CHTF18: variants seen among roughly 807,000 people sequenced by gnomAD.
CHTF18 encodes the protein chromosome transmission fidelity protein 18 homolog.
In CHTF18, 151 loss-of-function variants were observed where a neutral mutation model predicts 113.4. The observed-to-expected ratio is 1.33, with a 90% CI of 1.17 to 1.52. CHTF18 has a LOEUF of 1.52. CHTF18 is among the 40% of genes most tolerant of loss of function. The pLI is 0.00. For synonymous variants in CHTF18, 916 were observed against 598.8 expected, an observed-to-expected ratio of 1.53 and a Z score of -7.74; for missense variants, 1,982 against 1,381.6, an observed-to-expected ratio of 1.43 and a Z score of -6.89.
chr16:793,560 G>C (rs1365123355), intron 14 of CHTF18: 1 of 570,030 alleles, frequency 1.8e-6, no homozygotes, highest in Non-Finnish European at 3.2e-6. Context: ...CCTTGACTCA[G>C]CTGCTGTCCC....
chr16:792,212 TC>T lies in CHTF18; in HGVS notation c.1203-8del. Reference sequence around the variant, plus strand: ...CCCACTGCCCTGACGACCCCTGACCTCCCCATTGCAGTGACGACCGTAGCCC... The same window carrying T: ...CCCACTGCCCTGACGACCCCTGACCTCCCATTGCAGTGACGACCGTAGCCC... On this transcript the variant is annotated splice_polypyrimidine_tract_variant and intron_variant, in intron 9 of 21. Coordinates refer to ENST00000262315, the MANE Select transcript of CHTF18 (RefSeq NM_022092.3). 1 of 1,568,210 alleles carries T rather than the reference TC, an allele frequency of 6.4e-7. No individual in the cohort carries two copies. The highest frequency in any genetic ancestry group is 8.6e-7 in the Non-Finnish European group (1 of 1,157,038).
intron 5 of CHTF18, 34 bp downstream of exon 5, chr16:790,303 G>C: frequency 6.2e-7 from 1 of 1,609,730 alleles, no homozygotes; most frequent in Non-Finnish European, 8.5e-7. Context: ...GGGCGGTGGC[G>C]GGGCCGCCTG....
In CHTF18 at chr16:789,060, G is replaced by C; in HGVS notation, c.221G>C (p.Ser74Thr). The part of the protein sequence containing the change: ...SPAPAASVGS[S>T]QGGARKRQVD... ...GCCCCAGCCGCATCTGTGGGCAGCA[G>C]CCAGGGCGGCGCCAGGAAGAGGCAG... Residue 74 changes from serine (S) to threonine (T), a missense_variant, in exon 2 of 22, where the codon AGC becomes ACC. By Grantham distance (58) the Ser-to-Thr change is moderately conservative. Transcript: ENST00000262315. 6.5e-7 allele frequency: 1 copy of C among 1,537,672 alleles called. No homozygotes were observed. The highest frequency in any genetic ancestry group is 8.8e-7 in the Non-Finnish European group (1 of 1,140,968).
rs752744392 is a variant in CHTF18, at chr16:790,221, C to T, written c.651C>T (p.Asp217=). The change falls in exon 5 of 22, where the codon GAC becomes GAT. Residue 217 remains aspartate, a synonymous_variant. Coordinates refer to ENST00000262315, the MANE Select transcript of CHTF18 (RefSeq NM_022092.3). ...CATGGCGAGGCGGTGGCCAGCTGGA[C>T]CTGCTGGGTGTGTCCTTAGCCTCCC... ...HVPWRGGGQL[D]LLGVSLASLK... is the part of the protein sequence containing the mutation. 10 of 1,606,248 alleles carry T rather than the reference C, an allele frequency of 6.2e-6. No homozygotes were observed. The highest frequency in any genetic ancestry group is 4.5e-5 in the East Asian group (2 of 44,590).
In CHTF18 at chr16:792,577, A is replaced by G. The variant is rs547838710; in HGVS notation, c.1465A>G (p.Ile489Val). The G allele has an allele frequency of 1.8e-5, 29 of 1,595,438 alleles. No homozygotes were observed. The African/African-American group carries it at 2.3e-4, about 13-fold the overall frequency. Residue 489 changes from isoleucine (I) to valine (V), a missense_variant, in exon 11 of 22, where the codon ATT becomes GTT. Transcript: ENST00000262315. ...GCTCCTCATGAGGCCCATTATCTGC[A>G]TTTGCAATGACCAGTGAGTGCATGG... ...GGLLMRPIICICNDQFAPSLR... is the reference protein window; with the variant it reads ...GGLLMRPIICVCNDQFAPSLR...
rs72759411 is a variant in CHTF18 at position 792,104 on chromosome 16, G to A, written c.1203-120G>A. On this transcript the variant is annotated intron_variant, in intron 9 of 21. Transcript: ENST00000262315. ...AAACGTGTCCTTCCTCGGGGTTCAC[G>A]GGATCGGCAGCAGCCGCGTCATGTG... 8.6e-4 allele frequency: 1,311 copies of A among 1,528,282 alleles called. 1 individual carries two copies. The highest frequency in any genetic ancestry group is 1.0e-3 in the Non-Finnish European group (1,191 of 1,136,082). The allele number at this position is 1,528,282 out of a possible 1,614,324, so 94.7% of individuals were successfully genotyped here.
In CHTF18 at chr16:791,331, G is replaced by T; in HGVS notation, c.1065G>T (p.Leu355=). 1 of 1,608,986 alleles carries T rather than the reference G, an allele frequency of 6.2e-7. No individual in the cohort carries two copies. The highest frequency in any genetic ancestry group is 8.5e-7 in the Non-Finnish European group (1 of 1,179,348). ...KSHEQVLEEM[L]EAGLDPSQRP... ...ACGAACAGGTGCTGGAGGAGATGCT[G>T]GAGGCTGGGCTGGACCCGAGCCAGC... Residue 355 remains leucine (L), a synonymous_variant, in exon 8 of 22, where the codon CTG becomes CTT. Transcript: ENST00000262315.
chr16:789,493 C>T (rs949881844), intron 3 of CHTF18, 54 bp from the exon 4 acceptor site: 16 of 1,553,470 alleles, frequency 1.0e-5, no homozygotes, highest in African/African-American at 2.7e-5. Flanking sequence ...ACACCCATAT[C>T]CAAGGGTGAC....
rs374938681 is a variant in CHTF18, at chr16:789,539, C to T, written c.438-8C>T. On this transcript the variant is annotated splice_polypyrimidine_tract_variant and splice_region_variant and intron_variant, in intron 3 of 21. Transcript: ENST00000262315. ...AGTTTCTGCCACTGAGCCCCGGTCT[C>T]TCTCCAGAGTCTCAGAAGCTGCTGC... 3.8e-6 allele frequency: 6 copies of T among 1,591,730 alleles called. No individual in the cohort carries two copies. The highest frequency in any genetic ancestry group is 5.1e-6 in the Non-Finnish European group (6 of 1,168,778).
chr16:796,055 C>CAGT lies in CHTF18; in HGVS notation c.2436_2438dup (p.Gln812_Tyr813insTer). On this transcript the variant is annotated stop_gained and inframe_insertion, in exon 18 of 22. Coordinates refer to ENST00000262315, the MANE Select transcript of CHTF18 (RefSeq NM_022092.3). LOFTEE classifies it high-confidence loss of function. ...CCGCCAGGAGCGCACGCCCGATGGC[C>CAGT]AGTACATCTACAGGCTGGAGCCGTG... 6.2e-7 allele frequency: 1 copy of CAGT among 1,604,824 alleles called. No homozygotes were observed. The highest frequency in any genetic ancestry group is 8.5e-7 in the Non-Finnish European group (1 of 1,176,576).
At chr16:792,839 C>T (rs1435518847) in intron 12 of CHTF18, 28 bp downstream of exon 12, 2 of 1,536,968 alleles carry the variant, frequency 1.3e-6, no homozygotes, top group African/African-American at 1.4e-5. Flanking sequence ...AGCCGTGTGG[C>T]TGATGGCGGG....
chr16:797,243 G>A (rs902921198), intron 20 of CHTF18, among the ~76,000 whole-genome samples, 151 bp downstream of exon 20: 1 of 151,410 alleles, frequency 6.6e-6, no homozygotes, highest in Non-Finnish European at 1.5e-5. Flanking sequence ...GCAGGGCCAG[G>A]GTACCTTCAG....
rs181397131 is a variant in CHTF18 at position 789,225 on chromosome 16, G to A, written c.302G>A (p.Arg101Gln). Residue 101 changes from arginine to glutamine, a missense_variant, in exon 3 of 22, where the codon CGG (arginine) becomes CAG (glutamine). Arg to Gln is a conservative substitution (Grantham distance 43, BLOSUM62 1). Transcript: ENST00000262315. ...GSLPHAPRIKRPRLQVVKRLN... is the reference protein window; with the variant it reads ...GSLPHAPRIKQPRLQVVKRLN... ...TCTCCCCCAGCCCCCAGGATCAAAC[G>A]GCCTAGGCTGCAGGTGGTCAAGAGG... The A allele has an allele frequency of 1.9e-6, 3 of 1,552,166 alleles. No homozygotes were observed. The highest frequency in any genetic ancestry group is 1.2e-5 in the South Asian group (1 of 84,264).
chr16:794,228 C>T (rs2042277999), intron 15 of CHTF18, 27 bp downstream of exon 15: 2 of 1,602,590 alleles, frequency 1.2e-6, no homozygotes, highest in Non-Finnish European at 1.7e-6. Flanking sequence ...AAAATGCCTG[C>T]CTGGGGCCGC....
In CHTF18 at chr16:795,267, C is replaced by T. The variant is rs374003715; in HGVS notation, c.2086C>T (p.Arg696Cys). ...AHHSQSFQLL[R>C]YPPFLPVAFH... ...TCACAGCCAGAGCTTCCAGCTGCTGCGCTACCCACCCTTCCTGCCCGTGGC... is the reference window on the plus strand; with the variant it reads ...TCACAGCCAGAGCTTCCAGCTGCTGTGCTACCCACCCTTCCTGCCCGTGGC... Residue 696 changes from arginine to cysteine, a missense_variant, in exon 16 of 22, where the codon CGC becomes TGC. Coordinates refer to ENST00000262315, the MANE Select transcript of CHTF18 (RefSeq NM_022092.3). 1.1e-5 allele frequency: 17 copies of T among 1,549,172 alleles called. No individual in the cohort carries two copies. The highest frequency in any genetic ancestry group is 2.0e-4 in the Middle Eastern group (1 of 5,098).
At position 790,266 on chromosome 16, in the gene CHTF18, C is replaced by G; in HGVS notation, c.696C>G (p.Gly232=). 1 of 1,607,064 alleles carries G rather than the reference C, an allele frequency of 6.2e-7. No homozygotes were observed. Among genetic ancestry groups the G allele is most frequent in the Non-Finnish European group, 8.5e-7 (1 of 1,177,728 alleles). The part of the protein sequence containing the change: ...SLASLKKQVD[G]ERRERLLQEA... ...CCTCCCTGAAGAAGCAGGTCGACGG[C>G]GAGGTAGGGGCTGCGGGTTTGCTGG... Residue 232 remains glycine (G), a synonymous_variant, in exon 5 of 22, where the codon GGC becomes GGG. Transcript: ENST00000262315.
chr16:792,382 G>GGGCA, intron 10 of CHTF18, 35 bp downstream of exon 10: 1 of 1,560,886 alleles, frequency 6.4e-7, no homozygotes, highest in Non-Finnish European at 8.7e-7. Context: ...GTGGGTGGGC[G>GGGCA]GGCAGGCAGG....
intron 6 of CHTF18, 24 bp downstream of exon 6, chr16:790,423 C>T (rs746955988): frequency 6.2e-6 from 10 of 1,612,188 alleles, no homozygotes; most frequent in East Asian, 4.5e-5. Flanking sequence ...CCCTTCCGCC[C>T]TGGGGACCCT....
At chr16:788,900 G>A (rs762207284) in intron 1 of CHTF18, 31 bp from the exon 2 acceptor site, 3 of 1,508,730 alleles carry the variant, frequency 2.0e-6, no homozygotes, top group Admixed American at 4.3e-5. Context: ...GCTGTCTCGG[G>A]GCGGCCGCTG....
Sources: allele counts gnomAD v4.1 joint callset (sites outside exome capture counted in the v4.1 genomes callset), GRCh38; gene constraint gnomAD v4.1.1; transcripts MANE v1.5; gene names NCBI Gene and HGNC (gene_info 2026-07-23, HGNC 2026-07-21).